Variants in CALU observed in about 807,000 individuals in gnomAD.
CALU encodes the protein IEF SSP 9302.
Under a neutral mutation model 37.5 loss-of-function variants are expected in CALU, and 13 were observed. That is an observed-to-expected ratio of 0.35 (90% CI 0.23 to 0.55). The LOEUF is 0.55. Among genes scored for constraint, CALU ranks in the 20% least tolerant of loss-of-function variants. CALU has a pLI of 0.89. For synonymous variants in CALU, 114 were observed against 133.8 expected, an observed-to-expected ratio of 0.85 and a Z score of 1.02; for missense variants, 282 against 391.7, an observed-to-expected ratio of 0.72 and a Z score of 2.36.
intron 2 of CALU, 55 bp downstream of exon 2, chr7:128,748,859 C>T: frequency 8.3e-7 from 1 of 1,211,414 alleles, no homozygotes; most frequent in East Asian, 2.3e-5. Context: ...TTTATAAAGG[C>T]TAATTCTTTT....
intron 2 of CALU, among the ~76,000 whole-genome samples, chr7:128,751,353 C>G (rs574878948): frequency 6.6e-6 from 1 of 151,764 alleles, no homozygotes; most frequent in Non-Finnish European, 1.5e-5. Flanking sequence ...GTTCATTATC[C>G]TTTTGGGGAT....
At chr7:128,761,917 C>T (rs1257427988) in intron 5 of CALU, among the ~76,000 whole-genome samples, 1 of 152,168 alleles carries the variant, frequency 6.6e-6, no homozygotes, top group Non-Finnish European at 1.5e-5. Context: ...TGTTTACATG[C>T]TAGAGTTATT....
intron 5 of CALU, among the ~76,000 whole-genome samples, chr7:128,760,735 T>G (rs1326398944): frequency 6.6e-6 from 1 of 152,128 alleles, no homozygotes; most frequent in Non-Finnish European, 1.5e-5. Flanking sequence ...AGTGAAACCC[T>G]GTCTCTACTA....
At chr7:128,766,020 G>A (rs1382994731) in intron 5 of CALU, among the ~76,000 whole-genome samples, 1 of 152,144 alleles carries the variant, frequency 6.6e-6, no homozygotes. Context: ...ACACAGGCAC[G>A]GTCTCGGCTC....
rs1007346947 is a variant in CALU at position 128,772,247 on chromosome 7, G to A, written c.*3080G>A. ...ACTTAAAGCATATTCCTTTTTGGTTGCCTTGTATGTAGAAATCAGTTCTCC... is the reference window on the plus strand; with the variant it reads ...ACTTAAAGCATATTCCTTTTTGGTTACCTTGTATGTAGAAATCAGTTCTCC... On this transcript the variant is annotated 3_prime_UTR_variant, in exon 7 of 7. Transcript: ENST00000249364. 7.3e-5 allele frequency among the ~76,000 whole-genome samples: 11 copies of A among 151,640 alleles called. No individual in the cohort carries two copies. The highest frequency in any genetic ancestry group is 2.7e-4 in the African/African-American group (11 of 41,300).
chr7:128,754,136 G>A, intron 2 of CALU, 126 bp from the exon 3 acceptor site: 1 of 684,852 alleles, frequency 1.5e-6, no homozygotes, highest in Non-Finnish European at 2.4e-6. Flanking sequence ...TTCAGTTGCT[G>A]GCCTGGCAGT....
chr7:128,752,239 T>C (rs2128879459), intron 2 of CALU, among the ~76,000 whole-genome samples: 1 of 152,358 alleles, frequency 6.6e-6, no homozygotes. Context: ...GTTTGCCTTG[T>C]AAACTATATT....
intron 5 of CALU, 41 bp downstream of exon 5, chr7:128,759,893 A>G (rs754340147): frequency 9.8e-7 from 1 of 1,018,078 alleles, no homozygotes; most frequent in Non-Finnish European, 1.6e-6. Context: ...AAAAGCTGAG[A>G]AGCTTTGAAA....
In CALU at chr7:128,769,364, A is replaced by G; in HGVS notation, c.*197A>G. ...AGCCGTGCTTCTGAGGAACAACTCT[A>G]ATTAGTACACTTGTGTTTGTAGATT... On this transcript the variant is annotated 3_prime_UTR_variant, in exon 7 of 7. Coordinates refer to ENST00000249364, the MANE Select transcript of CALU (RefSeq NM_001219.5). 1 of 468,710 alleles carries G rather than the reference A, an allele frequency of 2.1e-6. No individual in the cohort carries two copies. 29.0% of individuals were successfully genotyped at this position (468,710 alleles called of 1,614,324 possible).
At position 128,772,801 on chromosome 7, in the gene CALU, A is replaced by G; in HGVS notation, c.*3634A>G. 1.8e-6 allele frequency: 2 copies of G among 1,116,174 alleles called. No homozygotes were observed. The highest frequency in any genetic ancestry group is 1.5e-5 in the African/African-American group (1 of 65,118). The allele number at this position is 1,116,174 out of a possible 1,614,324, so 69.1% of individuals were successfully genotyped here. ...AGGTGGTTTTGAATCTATCTTCCCCATCCTGAAAACTATCTAGATTCCAGT... is the reference window on the plus strand; with the variant it reads ...AGGTGGTTTTGAATCTATCTTCCCCGTCCTGAAAACTATCTAGATTCCAGT... On this transcript the variant is annotated 3_prime_UTR_variant, in exon 7 of 7. Coordinates refer to ENST00000249364, the MANE Select transcript of CALU (RefSeq NM_001219.5).
At chr7:128,768,903 C>T (rs955733403) in intron 6 of CALU, among the ~76,000 whole-genome samples, 160 bp from the exon 7 acceptor site, 13 of 146,948 alleles carry the variant, frequency 8.8e-5, no homozygotes, top group African/African-American at 2.5e-4. Flanking sequence ...CTTCCCTCTT[C>T]GTATGTATGT....
intron 4 of CALU, among the ~76,000 whole-genome samples, chr7:128,759,568 C>T (rs1413696490): frequency 6.6e-6 from 1 of 152,146 alleles, no homozygotes; most frequent in Non-Finnish European, 1.5e-5. Flanking sequence ...CAGGAAGACT[C>T]AGTTATTTTA....
At chr7:128,742,253 A>G (rs563034224) in intron 1 of CALU, among the ~76,000 whole-genome samples, 2 of 152,360 alleles carry the variant, frequency 1.3e-5, no homozygotes, top group South Asian at 4.1e-4. Context: ...CCTGGGCCTT[A>G]GTATAGTTAA....
chr7:128,744,595 A>G (rs1367071303), intron 1 of CALU, among the ~76,000 whole-genome samples: 2 of 152,126 alleles, frequency 1.3e-5, no homozygotes, highest in African/African-American at 4.8e-5. Flanking sequence ...GGCTTTGTCC[A>G]TCTGGGTCCT....
At chr7:128,755,957 C>CT (rs1563131518) in intron 3 of CALU, among the ~76,000 whole-genome samples, 1 of 152,172 alleles carries the variant, frequency 6.6e-6, no homozygotes, top group East Asian at 1.9e-4. Context: ...AATTACAGGA[C>CT]TGCATGCATT....
chr7:128,753,056 A>G (rs1314431544), intron 2 of CALU, among the ~76,000 whole-genome samples: 1 of 152,244 alleles, frequency 6.6e-6, no homozygotes, highest in Non-Finnish European at 1.5e-5. Context: ...CATTCTCTGA[A>G]GGAAAATGCT....
intron 1 of CALU, among the ~76,000 whole-genome samples, chr7:128,743,183 A>G (rs145144076): frequency 2.0e-4 from 30 of 152,048 alleles, no homozygotes; most frequent in African/African-American, 7.0e-4. Flanking sequence ...AGAAAAAAAT[A>G]TTAGATGTTA....
At chr7:128,743,591 G>C (rs1309007778) in intron 1 of CALU, among the ~76,000 whole-genome samples, 1 of 151,296 alleles carries the variant, frequency 6.6e-6, no homozygotes, top group Non-Finnish European at 1.5e-5. Context: ...GCATGATCAT[G>C]ACTCACTGTA....
chr7:128,766,579 C>G (rs1232639647), intron 5 of CALU, among the ~76,000 whole-genome samples: 1 of 151,920 alleles, frequency 6.6e-6, no homozygotes, highest in Non-Finnish European at 1.5e-5. Flanking sequence ...CAGGCACGCA[C>G]CACCATGCTC....
Sources: allele counts gnomAD v4.1 joint callset (sites outside exome capture counted in the v4.1 genomes callset), GRCh38; gene constraint gnomAD v4.1.1; transcripts MANE v1.5; gene names NCBI Gene and HGNC (gene_info 2026-07-23, HGNC 2026-07-21).